The following ZC3H7A variants were observed in gnomAD, a reference collection of about 807,000 sequenced individuals.
ZC3H7A encodes the protein zinc finger CCCH-type containing 7A, also known as zinc finger CCCH domain-containing protein 7A.
In ZC3H7A, 44 loss-of-function variants were observed where a neutral mutation model predicts 125.5. The observed-to-expected ratio is 0.35, with a 90% CI of 0.28 to 0.45. The LOEUF is 0.45. ZC3H7A is among the 20% of genes least tolerant of loss of function. The probability of loss-of-function intolerance (pLI) is 1.00; values close to 1 mark genes in which losing one functional copy is unlikely to be tolerated. For synonymous variants in ZC3H7A, 399 were observed against 391.2 expected (o/e 1.02, Z -0.23); for missense variants, 977 against 1,170.7 (o/e 0.83, Z 2.41).
At chr16:11,764,265 T>C (rs1053875222) in intron 15 of ZC3H7A, among the ~76,000 whole-genome samples, 1 of 151,612 alleles carries the variant, frequency 6.6e-6, no homozygotes, top group African/African-American at 2.4e-5. Flanking sequence ...ATACAAAAAA[T>C]TGTCCAGGCG....
intron 1 of ZC3H7A, among the ~76,000 whole-genome samples, chr16:11,783,883 T>C (rs887515975): frequency 1.3e-5 from 2 of 152,168 alleles, no homozygotes; most frequent in Admixed American, 6.5e-5. Context: ...CAGTTCTCAA[T>C]ATTTTTGTCC....
At chr16:11,774,649 T>G (rs1193389695) in intron 8 of ZC3H7A, 130 bp from the exon 9 acceptor site, 2 of 1,155,056 alleles carry the variant, frequency 1.7e-6, no homozygotes, top group Non-Finnish European at 2.4e-6. Flanking sequence ...ATTGACAGTA[T>G]AGTAAAGCAA....
intron 15 of ZC3H7A, among the ~76,000 whole-genome samples, chr16:11,764,015 C>T (rs1431009837): frequency 1.3e-5 from 2 of 151,504 alleles, no homozygotes; most frequent in Non-Finnish European, 2.9e-5. Context: ...AGGATGGTCT[C>T]AATCTCCTGA....
intron 1 of ZC3H7A, among the ~76,000 whole-genome samples, chr16:11,787,838 C>T (rs548048371): frequency 2.6e-5 from 4 of 151,916 alleles, no homozygotes; most frequent in African/African-American, 4.8e-5. Context: ...CCCAGCTACT[C>T]GGAAGGCTGA....
At chr16:11,757,414 G>A (rs1231828148) in intron 20 of ZC3H7A, among the ~76,000 whole-genome samples, 1 of 149,914 alleles carries the variant, frequency 6.7e-6, no homozygotes, top group African/African-American at 2.5e-5. Context: ...AACCCGGGAG[G>A]CGGAGCTTGC....
chr16:11,780,421 A>T (rs1567389890), intron 3 of ZC3H7A, among the ~76,000 whole-genome samples: 1 of 152,152 alleles, frequency 6.6e-6, no homozygotes, highest in Non-Finnish European at 1.5e-5. Context: ...ACGCCTGGCC[A>T]TAATTTAGTA....
At chr16:11,773,145 T>C (rs2053016583) in intron 9 of ZC3H7A, among the ~76,000 whole-genome samples, 2 of 151,938 alleles carry the variant, frequency 1.3e-5, no homozygotes, top group East Asian at 3.8e-4. Flanking sequence ...CAGTAAAACT[T>C]TACTTACGGA....
intron 1 of ZC3H7A, among the ~76,000 whole-genome samples, chr16:11,789,468 G>A (rs1199742861): frequency 1.3e-5 from 2 of 151,926 alleles, no homozygotes; most frequent in Non-Finnish European, 2.9e-5. Context: ...TGGCCAGGCT[G>A]GTCTTGAACT....
At chr16:11,796,040 T>G (rs2053431528) in intron 1 of ZC3H7A, among the ~76,000 whole-genome samples, 1 of 151,858 alleles carries the variant, frequency 6.6e-6, no homozygotes, top group Non-Finnish European at 1.5e-5. Context: ...ACTATGTTGC[T>G]GAGGCTGGTC....
At position 11,781,458 on chromosome 16, in the gene ZC3H7A, C is replaced by T. The variant is rs758211380; in HGVS notation, c.75G>A (p.Pro25=). 4 of 1,604,970 alleles carry T rather than the reference C, an allele frequency of 2.5e-6. No homozygotes were observed. The highest frequency in any genetic ancestry group is 3.4e-6 in the Non-Finnish European group (4 of 1,173,794). Residue 25 remains proline (P), a synonymous_variant, in exon 3 of 23, where the codon CCG becomes CCA. Transcript: ENST00000355758. The part of the protein sequence containing the change: ...IKEGLQFIQS[P]LSYPGTQEQY... The stretch of plus-strand genomic sequence containing the variant: ...GCTCCTGTGTTCCTGGATATGACAG[C>T]GGTGACCTAAGAAGAAGAAACAAAT...
intron 19 of ZC3H7A, among the ~76,000 whole-genome samples, chr16:11,760,173 T>C (rs2052728948): frequency 7.2e-6 from 1 of 139,200 alleles, no homozygotes; most frequent in African/African-American, 2.7e-5. Context: ...CAATACCTAG[T>C]ATGGCAGGGG....
chr16:11,752,512 C>G (rs553351729), intron 22 of ZC3H7A, among the ~76,000 whole-genome samples, 157 bp downstream of exon 22: 1 of 152,154 alleles, frequency 6.6e-6, no homozygotes, highest in African/African-American at 2.4e-5. Context: ...TGATGAGCAG[C>G]GAAACACTTT....
chr16:11,796,977 G>A (rs1412586582), intron 1 of ZC3H7A, 147 bp downstream of exon 1: 1 of 148,214 alleles, frequency 6.7e-6, no homozygotes, highest in Admixed American at 6.7e-5. Context: ...TCGGGTCCGC[G>A]GGCCCCGGAC....
chr16:11,788,227 T>G (rs1042475582), intron 1 of ZC3H7A, among the ~76,000 whole-genome samples: 1 of 152,060 alleles, frequency 6.6e-6, no homozygotes, highest in African/African-American at 2.4e-5. Flanking sequence ...CACAGGCCAC[T>G]CTGTCTCCTG....
chr16:11,777,954 G>C (rs1413751050), intron 4 of ZC3H7A, among the ~76,000 whole-genome samples: 4 of 151,334 alleles, frequency 2.6e-5, no homozygotes, highest in Admixed American at 6.6e-5. Context: ...GGGAGACGGA[G>C]GTTACGGTGA....
intron 1 of ZC3H7A, among the ~76,000 whole-genome samples, chr16:11,785,072 C>T (rs112924408): frequency 6.6e-6 from 1 of 151,914 alleles, no homozygotes; most frequent in Non-Finnish European, 1.5e-5. Context: ...GCAGGAGAAT[C>T]GCTTCAACCC....
At chr16:11,769,239 C>A (rs769060479) in intron 10 of ZC3H7A, 144 bp from the exon 11 acceptor site, 17 of 592,302 alleles carry the variant, frequency 2.9e-5, no homozygotes, top group Non-Finnish European at 4.7e-5. Context: ...AGGTTGACAC[C>A]CAAAGAGGGC....
Position 11,761,969 on chromosome 16 carries a change from G to A in ZC3H7A, c.2154C>T (p.Asn718=), listed in dbSNP as rs144086519. Residue 718 remains asparagine (N), a synonymous_variant, in exon 18 of 23, where the codon AAC becomes AAT. Coordinates refer to ENST00000355758, the MANE Select transcript of ZC3H7A (RefSeq NM_014153.4). ...TTTTGTCTGGTTCAATGACTTGACC[G>A]TTTCTCAGACACTGGGCGCACACAA... ...IKFVCAQCLR[N]GQVIEPDKNR... 161 of 1,613,348 alleles carry A rather than the reference G, an allele frequency of 1.0e-4. No individual in the cohort carries two copies. The highest frequency in any genetic ancestry group is 5.0e-4 in the Middle Eastern group (3 of 6,058).
intron 1 of ZC3H7A, among the ~76,000 whole-genome samples, chr16:11,784,096 T>C (rs2053216105): frequency 6.6e-6 from 1 of 152,156 alleles, no homozygotes; most frequent in Admixed American, 6.5e-5. Flanking sequence ...GTTTGAAACA[T>C]TACAAAATAA....
Sources: allele counts gnomAD v4.1 joint callset (sites outside exome capture counted in the v4.1 genomes callset), GRCh38; gene constraint gnomAD v4.1.1; transcripts MANE v1.5; gene names NCBI Gene and HGNC (gene_info 2026-07-23, HGNC 2026-07-21).